FBLN1: variants seen among roughly 807,000 people sequenced by gnomAD.
FBLN1 encodes the protein fibulin-1.
In FBLN1, 34 loss-of-function variants were observed where a neutral mutation model predicts 89.7. The observed-to-expected ratio is 0.38, with a 90% CI of 0.29 to 0.50. FBLN1 has a LOEUF of 0.50. FBLN1 is among the 20% of genes least tolerant of loss of function. The pLI is 0.92. For missense variants in FBLN1, 777 were observed against 988.1 expected (o/e 0.79, Z 2.86); for synonymous variants, 393 against 391.3 (o/e 1.00, Z -0.05).
Position 45,601,017 on chromosome 22 carries a change from G to T in FBLN1, c.*571G>T. The T allele has an allele frequency of 5.9e-6, 1 of 169,982 alleles. No homozygotes were observed. Among genetic ancestry groups the T allele is most frequent in the Non-Finnish European group, 1.3e-5 (1 of 78,500 alleles). The allele number at this position is 169,982 out of a possible 1,614,324, so 10.5% of individuals were successfully genotyped here. On this transcript the variant is annotated 3_prime_UTR_variant, in exon 17 of 17. Coordinates refer to ENST00000327858, the MANE Select transcript of FBLN1 (RefSeq NM_006486.3). ...AAATCCCTTGGTAAAGACACAGCCT[G>T]TTAGGCTCGTGTGGGCCTCCAGTAT...
intron 16 of FBLN1, among the ~76,000 whole-genome samples, chr22:45,592,395 C>T (rs111521091): frequency 0.023 from 3,543 of 152,146 alleles, 140 homozygotes; most frequent in African/African-American, 0.081. Context: ...GGCGTGATCT[C>T]GGCTCACTGC....
chr22:45,562,841 G>A lies in FBLN1; in HGVS notation c.1698-11670G>A, dbSNP rs566659312. 398 of 1,475,942 alleles carry A rather than the reference G, an allele frequency of 2.7e-4. No individual in the cohort carries two copies. In the African/African-American group the frequency reaches 4.9e-3, roughly 18 times the overall value. 91.4% of individuals were successfully genotyped at this position (1,475,942 alleles called of 1,614,324 possible). ...CCGCCTGCCAGCCCCGCATCCCCGC[G>A]CTCTGCCGTTTCTCCGCTTGCTGGA... On this transcript the variant is annotated intron_variant, in intron 14 of 16. Transcript: ENST00000327858. This position sits in a 1 kb window ranked among gnomAD's most constrained non-coding sequence, Gnocchi z 7.8.
rs1161330619 is a variant in FBLN1, at chr22:45,576,005, G to A, written c.1841-972G>A. Among the ~76,000 whole-genome samples the A allele has an allele frequency of 1.3e-5, 2 of 152,076 alleles. No homozygotes were observed. The highest frequency in any genetic ancestry group is 2.9e-5 in the Non-Finnish European group (2 of 67,996). ...GGCATGCAACGGAGCCAGCCGCGAG[G>A]ACACCAGTGTTTACACCATGACACA... On this transcript the variant is annotated intron_variant, in intron 15 of 16. Transcript: ENST00000327858. This position sits in a 1 kb window ranked among gnomAD's most constrained non-coding sequence, Gnocchi z 5.2.
rs2088619336 is a variant in FBLN1, at chr22:45,545,831, A to G, written c.1322-1254A>G. Among the ~76,000 whole-genome samples, 1 of 152,166 alleles carries G rather than the reference A, an allele frequency of 6.6e-6. No homozygotes were observed. The highest frequency in any genetic ancestry group is 1.5e-5 in the Non-Finnish European group (1 of 68,034). ...GCTGAACTCTGCTGTGGTAGCAGAG[A>G]AGTGGCCAGAGGACCATGGTAAAAG... On this transcript the variant is annotated intron_variant, in intron 11 of 16. Transcript: ENST00000327858. The surrounding 1 kb of genome is among the most constrained non-coding windows in gnomAD (Gnocchi z 5.9).
Position 45,557,833 on chromosome 22 carries a change from C to T in FBLN1, c.1697+7218C>T, listed in dbSNP as rs1407007596. ...CCTGACCATCCAGCCAAACCATTGGCCACAGCCCATGAATCAGTATGTAAT... is the reference window on the plus strand; with the variant it reads ...CCTGACCATCCAGCCAAACCATTGGTCACAGCCCATGAATCAGTATGTAAT... On this transcript the variant is annotated intron_variant, in intron 14 of 16. Transcript: ENST00000327858. This position sits in a 1 kb window ranked among gnomAD's most constrained non-coding sequence, Gnocchi z 4.9. Among the ~76,000 whole-genome samples, 1 of 152,228 alleles carries T rather than the reference C, an allele frequency of 6.6e-6. No homozygotes were observed. The highest frequency in any genetic ancestry group is 2.4e-5 in the African/African-American group (1 of 41,446).
rs2087999679 is a variant in FBLN1 at position 45,505,005 on chromosome 22, CG to C, written c.79+1942del. Among the ~76,000 whole-genome samples, 4 of 152,338 alleles carry C rather than the reference CG, an allele frequency of 2.6e-5. No individual in the cohort carries two copies. The South Asian group carries it at 8.3e-4, about 32-fold the overall frequency. ...CTGTATGTAAGGCCACAAGTGGCAC[CG>C]CCCCTGCTCTCAGAGAGCTGTGGGG... On this transcript the variant is annotated intron_variant, in intron 1 of 16. Transcript: ENST00000327858.
chr22:45,593,513 G>C (rs1398516312), intron 16 of FBLN1, among the ~76,000 whole-genome samples: 1 of 152,224 alleles, frequency 6.6e-6, no homozygotes, highest in Non-Finnish European at 1.5e-5. Context: ...AGAAATGCCA[G>C]GGATGAGGAT....
chr22:45,568,501 G>C (rs1211364919), intron 14 of FBLN1, among the ~76,000 whole-genome samples: 1 of 143,758 alleles, frequency 7.0e-6, no homozygotes, highest in Non-Finnish European at 1.6e-5. Context: ...CTTCTGTAGG[G>C]GAGTGCTCCT....
intron 4 of FBLN1, 97 bp downstream of exon 4, chr22:45,528,106 T>G: frequency 3.6e-6 from 5 of 1,378,298 alleles, no homozygotes; most frequent in Non-Finnish European, 5.0e-6. Flanking sequence ...TTTAAGGACT[T>G]GGCTCATGTG....
intron 14 of FBLN1, chr22:45,564,979 ACCTT>A: frequency 6.2e-7 from 1 of 1,613,908 alleles, no homozygotes; most frequent in Non-Finnish European, 8.5e-7. Flanking sequence ...GAGGATACCC[ACCTT>A]GATGCCTAGT....
chr22:45,551,390 C>T (rs2088699032), intron 14 of FBLN1, among the ~76,000 whole-genome samples: 1 of 152,232 alleles, frequency 6.6e-6, no homozygotes, highest in African/African-American at 2.4e-5. Flanking sequence ...GGCCCCTTGA[C>T]CTTCAGCCTG....
At chr22:45,533,033 A>G (rs764179684) in intron 5 of FBLN1, 30 bp from the exon 6 acceptor site, 1 of 1,596,006 alleles carries the variant, frequency 6.3e-7, no homozygotes, top group Non-Finnish European at 8.6e-7. Context: ...GGGTGCGTCC[A>G]TCCCTGGCTC....
intron 14 of FBLN1, among the ~76,000 whole-genome samples, chr22:45,553,990 TGTGCGC>T (rs936093629): frequency 2.0e-5 from 3 of 152,206 alleles, no homozygotes; most frequent in Non-Finnish European, 2.9e-5. Flanking sequence ...TGTGTGTGCG[TGTGCGC>T]GTGCTTGTGT....
intron 14 of FBLN1, among the ~76,000 whole-genome samples, chr22:45,552,386 G>T (rs2088715480): frequency 6.6e-6 from 1 of 152,176 alleles, no homozygotes; most frequent in Non-Finnish European, 1.5e-5. Flanking sequence ...TGAGCTGCTG[G>T]GCGCCTGGCT....
chr22:45,574,479 C>A lies in FBLN1; in HGVS notation c.1698-32C>A, dbSNP rs1479931108. On this transcript the variant is annotated intron_variant, in intron 14 of 16. Transcript: ENST00000327858. This position sits in a 1 kb window ranked among gnomAD's most constrained non-coding sequence, Gnocchi z 4.1. ...TGTGGGAGCTGCTGTCCCAGCTTCC[C>A]CGTCAGCCTCGTGTGCTGTGGTTCC... 6.2e-7 allele frequency: 1 copy of A among 1,613,718 alleles called. No individual in the cohort carries two copies. Among genetic ancestry groups the A allele is most frequent in the East Asian group, 2.2e-5 (1 of 44,878 alleles).
At chr22:45,505,293 A>T (rs1196472669) in intron 1 of FBLN1, among the ~76,000 whole-genome samples, 6 of 152,234 alleles carry the variant, frequency 3.9e-5, no homozygotes, top group Non-Finnish European at 8.8e-5. Flanking sequence ...ACTGATTAAA[A>T]GAAAGTTGGG....
intron 11 of FBLN1, among the ~76,000 whole-genome samples, chr22:45,543,905 G>A (rs978575428): frequency 3.3e-5 from 5 of 152,198 alleles, no homozygotes; most frequent in African/African-American, 1.2e-4. Context: ...AGCGAAAACT[G>A]GACACTTGTT....
In FBLN1 at chr22:45,532,200, G is replaced by A. The variant is rs2146967752; in HGVS notation, c.545-863G>A. On this transcript the variant is annotated intron_variant, in intron 5 of 16. Coordinates refer to ENST00000327858, the MANE Select transcript of FBLN1 (RefSeq NM_006486.3). This position sits in a 1 kb window ranked among gnomAD's most constrained non-coding sequence, Gnocchi z 4.2. ...TCCAGGGGCGCTGTCCAGGGGCCTG[G>A]TGGAGGGAGGAAGGGAGTGACCTAG... 6.6e-6 allele frequency among the ~76,000 whole-genome samples: 1 copy of A among 152,260 alleles called. No individual in the cohort carries two copies.
Position 45,532,840 on chromosome 22 carries a change from C to T in FBLN1, c.545-223C>T, listed in dbSNP as rs572448815. The T allele has an allele frequency of 8.3e-6, 5 of 600,664 alleles. No homozygotes were observed. In the Admixed American group the frequency reaches 1.1e-4, roughly 14 times the overall value. 37.2% of individuals were successfully genotyped at this position (600,664 alleles called of 1,614,324 possible). On this transcript the variant is annotated intron_variant, in intron 5 of 16. Coordinates refer to ENST00000327858, the MANE Select transcript of FBLN1 (RefSeq NM_006486.3). This position sits in a 1 kb window ranked among gnomAD's most constrained non-coding sequence, Gnocchi z 4.2. ...GCACCCTGCACACCACCTGATTTTC[C>T]AGACGGGGAGGTTGGGACCTGAAGC...
Sources: gnomAD v4.1 joint callset for allele counts (sites outside exome capture counted in the v4.1 genomes callset) on GRCh38, gnomAD v4.1.1 for gene constraint, Gnocchi (gnomAD v3.1) non-coding constraint, MANE v1.5 for transcripts, NCBI Gene and HGNC (gene_info 2026-07-23, HGNC 2026-07-21) for gene names.